Variants in SLC37A3 observed in about 807,000 individuals in gnomAD.
The protein encoded by SLC37A3 is sugar phosphate exchanger 3.
Under a neutral mutation model 67.1 loss-of-function variants are expected in SLC37A3, and 51 were observed. That is an observed-to-expected ratio of 0.76 (90% CI 0.61 to 0.96). The LOEUF is 0.96. SLC37A3 is among the 40% of genes least tolerant of loss of function. SLC37A3 has a pLI of 0.00. For synonymous variants in SLC37A3, 214 were observed against 231.4 expected (o/e 0.92, Z 0.68); for missense variants, 508 against 603.0 (o/e 0.84, Z 1.65).
intron 7 of SLC37A3, among the ~76,000 whole-genome samples, 175 bp downstream of exon 7, chr7:140,355,493 C>T (rs1201252892): frequency 2.0e-5 from 3 of 152,170 alleles, no homozygotes; most frequent in Non-Finnish European, 4.4e-5. Context: ...GGGTTATAGG[C>T]GTGAGCCACC....
chr7:140,348,060 A>G (rs1246367509), intron 10 of SLC37A3, among the ~76,000 whole-genome samples: 1 of 152,250 alleles, frequency 6.6e-6, no homozygotes, highest in East Asian at 1.9e-4. Context: ...AATAATAACA[A>G]TATACTGTAA....
intron 12 of SLC37A3, 37 bp from the exon 13 acceptor site, chr7:140,343,600 C>A (rs373362514): frequency 6.2e-7 from 1 of 1,606,990 alleles, no homozygotes; most frequent in Non-Finnish European, 8.5e-7. Context: ...AAACACAATT[C>A]ACAACCACTA....
intron 9 of SLC37A3, among the ~76,000 whole-genome samples, chr7:140,350,657 G>A (rs577797576): frequency 2.0e-5 from 3 of 152,160 alleles, no homozygotes; most frequent in Admixed American, 6.5e-5. Context: ...CCAGCTACTC[G>A]GGAGGCTGAG....
chr7:140,374,034 C>T (rs1206106059), intron 3 of SLC37A3, among the ~76,000 whole-genome samples: 5 of 152,080 alleles, frequency 3.3e-5, no homozygotes. Flanking sequence ...TTTTTAAATT[C>T]TCAGCTTTAA....
chr7:140,384,374 A>G (rs58784654), intron 1 of SLC37A3, among the ~76,000 whole-genome samples: 4,844 of 152,264 alleles, frequency 0.032, 274 homozygotes, highest in African/African-American at 0.11. Context: ...AAACATCTAT[A>G]TAATTTTTAT....
intron 4 of SLC37A3, among the ~76,000 whole-genome samples, chr7:140,368,240 G>A (rs902868056): frequency 4.6e-5 from 7 of 152,052 alleles, no homozygotes; most frequent in South Asian, 4.1e-4. Context: ...ATCAATTCAC[G>A]CAGCCTCACA....
Position 140,355,890 on chromosome 7 carries a change from G to T in SLC37A3, c.522-126C>A, listed in dbSNP as rs1585286434. 3 of 759,602 alleles carry T rather than the reference G, an allele frequency of 3.9e-6. No individual in the cohort carries two copies. In the East Asian group the frequency reaches 8.3e-5, roughly 21 times the overall value. 47.1% of individuals were successfully genotyped at this position (759,602 alleles called of 1,614,324 possible). Reference sequence around the variant, plus strand: ...CAAGACTAAACATGCTATTTAAAAAGTTTTTAAAAATACACTAAAATGGGC... The same window carrying T: ...CAAGACTAAACATGCTATTTAAAAATTTTTTAAAAATACACTAAAATGGGC... On this transcript the variant is annotated intron_variant, in intron 6 of 14. Coordinates refer to ENST00000326232, the MANE Select transcript of SLC37A3 (RefSeq NM_207113.3).
chr7:140,335,604 T>A, intron 14 of SLC37A3, 100 bp from the exon 15 acceptor site: 1 of 1,366,790 alleles, frequency 7.3e-7, no homozygotes, highest in Non-Finnish European at 1.0e-6. Flanking sequence ...TACATTCATT[T>A]TGACTTCATA....
intron 7 of SLC37A3, 39 bp downstream of exon 7, chr7:140,355,629 G>T: frequency 7.0e-7 from 1 of 1,425,810 alleles, no homozygotes; most frequent in Non-Finnish European, 9.8e-7. Flanking sequence ...TGCACACAGA[G>T]AGAGAGAGAG....
chr7:140,348,753 G>T lies in SLC37A3; in HGVS notation c.897C>A (p.Tyr299Ter), dbSNP rs199645143. The T allele has an allele frequency of 1.2e-6, 2 of 1,614,132 alleles. No individual in the cohort carries two copies. The highest frequency in any genetic ancestry group is 4.5e-5 in the East Asian group (2 of 44,880). ...LPGVIPYSLA[Y>*]ACLKLVNYSF... ...AGTAATTCACTAACTTCAAGCAGGC[G>T]TAGGCCAGTGAGTACTACAAGAAAA... The change falls in exon 10 of 15, where the codon TAC (tyrosine) becomes TAA (stop). Residue 299 changes from tyrosine (Y) to a stop codon, truncating the protein, a stop_gained. Transcript: ENST00000326232. LOFTEE classifies it high-confidence loss of function.
Position 140,352,074 on chromosome 7 carries a change from G to T in SLC37A3, c.691C>A (p.Pro231Thr). Residue 231 changes from proline (P) to threonine (T), a missense_variant, in exon 8 of 15, where the codon CCA (proline) becomes ACA (threonine). Coordinates refer to ENST00000326232, the MANE Select transcript of SLC37A3 (RefSeq NM_207113.3). The part of the protein sequence containing the change: ...IVIFFGLLVS[P>T]EEIGLSGIEA... Reference sequence around the variant, plus strand: ...GGCTTCTCCTCACCAATTTCTTCTGGTGACACCAGGAGTCCAAAGAAGATA... The same window carrying T: ...GGCTTCTCCTCACCAATTTCTTCTGTTGACACCAGGAGTCCAAAGAAGATA... 6.2e-7 allele frequency: 1 copy of T among 1,611,878 alleles called. No homozygotes were observed. Among genetic ancestry groups the T allele is most frequent in the Non-Finnish European group, 8.5e-7 (1 of 1,179,266 alleles).
chr7:140,342,717 T>C (rs778858950), intron 13 of SLC37A3, among the ~76,000 whole-genome samples: 2 of 151,604 alleles, frequency 1.3e-5, no homozygotes, highest in Non-Finnish European at 2.9e-5. Context: ...CTAAGTATAG[T>C]AGGCCAATCT....
At chr7:140,369,236 C>T (rs191993462) in intron 4 of SLC37A3, among the ~76,000 whole-genome samples, 2 of 152,240 alleles carry the variant, frequency 1.3e-5, no homozygotes, top group Admixed American at 1.3e-4. Context: ...CCCTTTAGTC[C>T]CCCTTCTCTG....
intron 9 of SLC37A3, among the ~76,000 whole-genome samples, chr7:140,350,389 G>C (rs1343126126): frequency 1.3e-5 from 2 of 152,176 alleles, no homozygotes; most frequent in African/African-American, 2.4e-5. Flanking sequence ...GACGTTAGAA[G>C]GCTTTCCTGA....
intron 1 of SLC37A3, among the ~76,000 whole-genome samples, chr7:140,391,724 C>T (rs1798732248): frequency 6.6e-6 from 1 of 152,178 alleles, no homozygotes; most frequent in Non-Finnish European, 1.5e-5. Flanking sequence ...TGGTCCAGGA[C>T]ATATACCCCT....
Position 140,345,968 on chromosome 7 carries a change from C to T in SLC37A3, c.1027G>A (p.Gly343Arg). ...TCAGAGATGAAGCCTTGCAAAGTTC[C>T]ACCTTCAAGCAGAGTGTCGAGCAAT... Reference protein sequence around the residue: ...IWYDVGGIIGGTLQGFISDVL... With the variant: ...IWYDVGGIIGRTLQGFISDVL... Residue 343 changes from glycine to arginine, a missense_variant and splice_region_variant, in exon 11 of 15, where the codon GGA becomes AGA. Coordinates refer to ENST00000326232, the MANE Select transcript of SLC37A3 (RefSeq NM_207113.3). 1 of 1,611,588 alleles carries T rather than the reference C, an allele frequency of 6.2e-7. No homozygotes were observed. Among genetic ancestry groups the T allele is most frequent in the East Asian group, 2.2e-5 (1 of 44,858 alleles).
intron 7 of SLC37A3, among the ~76,000 whole-genome samples, chr7:140,354,075 G>A (rs915283948): frequency 2.0e-5 from 3 of 152,166 alleles, no homozygotes; most frequent in Admixed American, 6.6e-5. Flanking sequence ...TTCCTCATTC[G>A]ACTTCACAGG....
At chr7:140,366,798 A>G (rs1797617869) in intron 4 of SLC37A3, among the ~76,000 whole-genome samples, 1 of 152,108 alleles carries the variant, frequency 6.6e-6, no homozygotes, top group South Asian at 2.1e-4. Context: ...AACTGTTCCA[A>G]CTGTTTCTCT....
chr7:140,392,979 C>T lies in SLC37A3; in HGVS notation c.-71+5437G>A, dbSNP rs148629554. ...CAGTGGCATGCGCCTGTAATCCCAG[C>T]TACTCAGGAGGCTGAAGCAGGAGAA... On this transcript the variant is annotated intron_variant, in intron 1 of 14. Transcript: ENST00000326232. Among the ~76,000 whole-genome samples the T allele has an allele frequency of 5.2e-3, 785 of 152,196 alleles. 11 individuals carry two copies. The highest frequency in any genetic ancestry group is 6.9e-3 in the Non-Finnish European group (471 of 68,004).
Sources: allele counts gnomAD v4.1 joint callset (sites outside exome capture counted in the v4.1 genomes callset), GRCh38; gene constraint gnomAD v4.1.1; transcripts MANE v1.5; gene names NCBI Gene and HGNC (gene_info 2026-07-23, HGNC 2026-07-21).